The following DDX42 variants were observed in gnomAD, a reference collection of about 807,000 sequenced individuals.
DDX42 encodes DEAD-box helicase 42, also known as ATP-dependent RNA helicase DDX42.
A neutral mutation model predicts 101.5 loss-of-function variants in DDX42; 22 were observed. The ratio of observed to expected loss-of-function variants is 0.22; its 90% CI spans 0.15 to 0.31. The LOEUF is 0.31. Ranked by LOEUF, DDX42 falls within the 10% of genes least tolerant of loss-of-function variation. The pLI, the probability that DDX42 is intolerant of heterozygous loss-of-function variation, is 1.00. For synonymous variants in DDX42, 402 were observed against 401.2 expected (o/e 1.00, Z -0.02); for missense variants, 849 against 1,199.9 (o/e 0.71, Z 4.32).
In DDX42 at chr17:63,801,750, C is replaced by T. The variant is rs190656172; in HGVS notation, c.621+1133C>T. Among the ~76,000 whole-genome samples, 258 of 152,164 alleles carry T rather than the reference C, an allele frequency of 1.7e-3. 2 individuals are homozygous for T. The highest frequency in any genetic ancestry group is 4.4e-3 in the Admixed American group (67 of 15,272). On this transcript the variant is annotated intron_variant, in intron 6 of 17. Coordinates refer to ENST00000389924, the MANE Select transcript of DDX42 (RefSeq NM_203499.3). ...GATTACAGATGTGAGCCACTGCATC[C>T]GGTCACATTTGTTTTTTTAATTGCT... is the stretch of plus-strand genomic sequence containing the variant.
Position 63,814,144 on chromosome 17 carries a change from C to T in DDX42, c.1902+690C>T, listed in dbSNP as rs966485257. Among the ~76,000 whole-genome samples, 4 of 152,306 alleles carry T rather than the reference C, an allele frequency of 2.6e-5. No individual in the cohort carries two copies. In the East Asian group the frequency reaches 5.8e-4, roughly 22 times the overall value. On this transcript the variant is annotated intron_variant, in intron 15 of 17. Coordinates refer to ENST00000389924, the MANE Select transcript of DDX42 (RefSeq NM_203499.3). The stretch of plus-strand genomic sequence containing the variant: ...TACAGGCGTGAGCCACCGTGCCCAG[C>T]CTGTATGGTGCCTCTTAACTGTTCC...
chr17:63,786,789 T>A (rs956122838), intron 1 of DDX42, among the ~76,000 whole-genome samples: 1 of 152,226 alleles, frequency 6.6e-6, no homozygotes, highest in Non-Finnish European at 1.5e-5. Flanking sequence ...GTGATTCTTA[T>A]GCCTCAGCCT....
chr17:63,815,793 A>G, intron 16 of DDX42, 120 bp downstream of exon 16: 1 of 575,206 alleles, frequency 1.7e-6, no homozygotes. Context: ...CTAGAAGGGA[A>G]TTTGTATTTA....
chr17:63,814,416 C>G (rs1405204099), intron 15 of DDX42, among the ~76,000 whole-genome samples: 1 of 152,232 alleles, frequency 6.6e-6, no homozygotes, highest in East Asian at 1.9e-4. Flanking sequence ...GTTTCTGGTC[C>G]TAGGAGTAAA....
At chr17:63,779,308 G>A (rs2144520649) in intron 1 of DDX42, among the ~76,000 whole-genome samples, 2 of 152,208 alleles carry the variant, frequency 1.3e-5, no homozygotes, top group South Asian at 4.1e-4. Flanking sequence ...CTGTCACCCA[G>A]GCTGGAGTGC....
chr17:63,810,987 A>AT, intron 12 of DDX42, 89 bp from the exon 13 acceptor site: 1 of 1,060,044 alleles, frequency 9.4e-7, no homozygotes, highest in East Asian at 2.7e-5. Flanking sequence ...ATGTAAAAAA[A>AT]CTGAATAATC....
In DDX42 at chr17:63,787,241, T is replaced by A; in HGVS notation, c.192T>A (p.Ser64=). Residue 64 remains serine (S), a synonymous_variant, in exon 2 of 18, where the codon TCT becomes TCA. Transcript: ENST00000389924. The part of the protein sequence containing the change: ...PQLPSFYKIG[S]KRANFDEENA... ...TTCCTTCTTTCTACAAAATTGGATC[T>A]AAGCGGGCCAACTTTGATGAAGAAA... 3 of 1,614,202 alleles carry A rather than the reference T, an allele frequency of 1.9e-6. No homozygotes were observed. The highest frequency in any genetic ancestry group is 2.5e-6 in the Non-Finnish European group (3 of 1,180,030).
At chr17:63,809,732 T>C in intron 11 of DDX42, 73 bp downstream of exon 11, 1 of 1,263,502 alleles carries the variant, frequency 7.9e-7, no homozygotes, top group East Asian at 2.3e-5. Context: ...CTTTCTAGAC[T>C]GTTTTTTCAG....
At position 63,818,822 on chromosome 17, in the gene DDX42, C is replaced by T. The variant is rs1475483602; in HGVS notation, c.*424C>T. On this transcript the variant is annotated 3_prime_UTR_variant, in exon 18 of 18. Transcript: ENST00000389924. ...TCCCCATTTTAGGAGTTGGCTTCTG[C>T]AAATTCAATCCATTGAGCTAACTGT... 6.1e-6 allele frequency: 1 copy of T among 162,838 alleles called. No homozygotes were observed. Among genetic ancestry groups the T allele is most frequent in the Non-Finnish European group, 1.4e-5 (1 of 73,178 alleles). The allele number at this position is 162,838 out of a possible 1,614,324, so 10.1% of individuals were successfully genotyped here. A position where few individuals can be genotyped will look rare whatever the true frequency, so the allele number is the denominator to read the frequency against.
rs1263357013 is a variant in DDX42 at position 63,800,451 on chromosome 17, CT to C, written c.472-15del. ...AATTGTACTTGGGTGTGATTATGTT[CT>C]TGTGCTTTCCTGCAGGAAGCTTATT... On this transcript the variant is annotated splice_polypyrimidine_tract_variant and intron_variant, in intron 5 of 17. Coordinates refer to ENST00000389924, the MANE Select transcript of DDX42 (RefSeq NM_203499.3). The C allele has an allele frequency of 5.6e-6, 9 of 1,611,386 alleles. No individual in the cohort carries two copies. The highest frequency in any genetic ancestry group is 2.2e-5 in the East Asian group (1 of 44,808).
intron 1 of DDX42, among the ~76,000 whole-genome samples, chr17:63,785,593 C>T (rs1160480525): frequency 1.5e-5 from 2 of 134,550 alleles, no homozygotes; most frequent in Non-Finnish European, 3.1e-5. Context: ...ATCACAAGAC[C>T]CTGTTCCTTA....
intron 5 of DDX42, 43 bp downstream of exon 5, chr17:63,799,668 A>G (rs2039738349): frequency 1.9e-6 from 3 of 1,600,500 alleles, no homozygotes; most frequent in Non-Finnish European, 1.7e-6. Flanking sequence ...TTTTATCCAC[A>G]AAGTCTATAC....
chr17:63,797,425 A>G (rs1305334548), intron 3 of DDX42, among the ~76,000 whole-genome samples: 1 of 151,954 alleles, frequency 6.6e-6, no homozygotes, highest in Admixed American at 6.6e-5. Flanking sequence ...TCCAGCCCCA[A>G]GGATTCTGAT....
intron 13 of DDX42, chr17:63,811,541 C>T: frequency 5.5e-6 from 2 of 366,810 alleles, no homozygotes; most frequent in Non-Finnish European, 9.9e-6. Flanking sequence ...GGGGCCTACG[C>T]AGGAGGGAAA....
At chr17:63,812,522 A>G (rs908066176) in intron 14 of DDX42, among the ~76,000 whole-genome samples, 4 of 152,220 alleles carry the variant, frequency 2.6e-5, no homozygotes, top group African/African-American at 9.6e-5. Flanking sequence ...ACATTGATCT[A>G]CTATACACAG....
intron 2 of DDX42, among the ~76,000 whole-genome samples, chr17:63,791,208 ATGTT>A (rs2039623636): frequency 6.6e-6 from 1 of 152,198 alleles, no homozygotes; most frequent in Admixed American, 6.5e-5. Flanking sequence ...CTTTTCTGAA[ATGTT>A]TGTTAAAGAG....
intron 3 of DDX42, among the ~76,000 whole-genome samples, chr17:63,795,440 C>T (rs1344668110): frequency 2.0e-5 from 3 of 152,196 alleles, no homozygotes; most frequent in Non-Finnish European, 4.4e-5. Flanking sequence ...AATTCCTAGG[C>T]TCAAGTGATC....
Position 63,810,560 on chromosome 17 carries a change from A to T in DDX42, c.1300A>T (p.Thr434Ser). ...IASHVRPDRQ[T>S]LLFSATFRKK... ...AAGTCATGTTCGTCCTGACAGGCAGAGTATGTATGAAGCACCTTTGTTAAA... is the reference window on the plus strand; with the variant it reads ...AAGTCATGTTCGTCCTGACAGGCAGTGTATGTATGAAGCACCTTTGTTAAA... The change falls in exon 12 of 18, where the codon ACT (threonine) becomes TCT (serine). Residue 434 changes from threonine to serine, a missense_variant and splice_region_variant. Physicochemically the swap from Thr to Ser is moderately conservative, Grantham distance 58 (BLOSUM62 1). Transcript: ENST00000389924. 6.2e-7 allele frequency: 1 copy of T among 1,614,086 alleles called. No individual in the cohort carries two copies. Among genetic ancestry groups the T allele is most frequent in the Non-Finnish European group, 8.5e-7 (1 of 1,180,002 alleles).
Position 63,787,060 on chromosome 17 carries a change from A to C in DDX42, c.11A>C (p.Asn4Thr). The C allele has an allele frequency of 6.2e-7, 1 of 1,614,196 alleles. No individual in the cohort carries two copies. The highest frequency in any genetic ancestry group is 8.5e-7 in the Non-Finnish European group (1 of 1,180,020). MNW[N>T]KGGPGTKRGF... ...TCAGTCATTGGCACCATGAACTGGA[A>C]TAAAGGTGGTCCTGGCACTAAGCGA... is the stretch of plus-strand genomic sequence containing the variant. Residue 4 changes from asparagine to threonine, a missense_variant, in exon 2 of 18, where the codon AAT becomes ACT. Asn to Thr is a moderately conservative substitution (Grantham distance 65). This residue lies in a region of DDX42 where 92 missense variants were observed against 106.7 expected (regional missense o/e 0.86). Transcript: ENST00000389924.
Sources: allele counts gnomAD v4.1 joint callset (sites outside exome capture counted in the v4.1 genomes callset), GRCh38; gene constraint gnomAD v4.1.1; regional missense constraint gnomAD v4.1.1; transcripts MANE v1.5; gene names NCBI Gene and HGNC (gene_info 2026-07-23, HGNC 2026-07-21).